The following AK7 variants were observed in gnomAD, a reference collection of about 807,000 sequenced individuals.
The protein encoded by AK7 is ATP-AMP transphosphorylase 7.
AK7 carries 78 observed loss-of-function variants against 96.6 expected under a neutral mutation model. The ratio of observed to expected loss-of-function variants is 0.81; its 90% confidence interval spans 0.67 to 0.97. The LOEUF is 0.97. Among genes scored for constraint, AK7 ranks in the 50% least tolerant of loss-of-function variants. The pLI, the probability that AK7 is intolerant of heterozygous loss-of-function variation, is 0.00. For missense variants in AK7, 855 were observed against 887.9 expected, an observed-to-expected ratio of 0.96 and a Z score of 0.47; for synonymous variants, 302 against 317.2, an observed-to-expected ratio of 0.95 and a Z score of 0.51.
chr14:96,398,648 G>A (rs1056262614), intron 2 of AK7: 1 of 223,120 alleles, frequency 4.5e-6, no homozygotes, highest in Non-Finnish European at 9.0e-6. Context: ...TTGGGAGGCT[G>A]AGGAGGGAGG....
At chr14:96,475,474 T>C (rs1174593727) in intron 14 of AK7, among the ~76,000 whole-genome samples, 1 of 152,210 alleles carries the variant, frequency 6.6e-6, no homozygotes, top group Non-Finnish European at 1.5e-5. Context: ...AGTTTGAGTT[T>C]ACGGGTGGTC....
intron 15 of AK7, among the ~76,000 whole-genome samples, chr14:96,481,326 CATTT>C (rs942721920): frequency 3.3e-4 from 50 of 151,918 alleles, no homozygotes; most frequent in Non-Finnish European, 6.5e-4. Context: ...GGGAGAAATG[CATTT>C]ATTTATTTAT....
At chr14:96,407,527 A>G (rs1890777353) in intron 3 of AK7, among the ~76,000 whole-genome samples, 1 of 150,996 alleles carries the variant, frequency 6.6e-6, no homozygotes, top group African/African-American at 2.4e-5. Flanking sequence ...AGCCCCTCTG[A>G]CAGTTTAATT....
intron 4 of AK7, among the ~76,000 whole-genome samples, chr14:96,414,113 A>G (rs866813582): frequency 1.3e-5 from 2 of 152,212 alleles, no homozygotes; most frequent in Non-Finnish European, 2.9e-5. Context: ...AAAATGTAAA[A>G]CAAGTGTTGC....
At chr14:96,471,746 C>T (rs1302426076) in intron 13 of AK7, 140 bp downstream of exon 13, 9 of 725,718 alleles carry the variant, frequency 1.2e-5, no homozygotes, top group East Asian at 6.9e-5. Context: ...CCTTTCTTTA[C>T]GTAGCTTTTT....
At chr14:96,485,160 C>T (rs929620031) in intron 16 of AK7, among the ~76,000 whole-genome samples, 8 of 152,322 alleles carry the variant, frequency 5.3e-5, no homozygotes, top group Middle Eastern at 3.4e-3. Context: ...CAATTTTACT[C>T]GCACATGTCA....
chr14:96,464,006 A>T (rs1595447803), intron 12 of AK7, among the ~76,000 whole-genome samples: 1 of 152,128 alleles, frequency 6.6e-6, no homozygotes, highest in Admixed American at 6.6e-5. Flanking sequence ...GTCTCATCCC[A>T]GATCCCAGGA....
intron 1 of AK7, among the ~76,000 whole-genome samples, chr14:96,393,215 A>T (rs1227441305): frequency 1.3e-5 from 2 of 152,216 alleles, no homozygotes; most frequent in South Asian, 4.1e-4. Flanking sequence ...TGTGGGTAGG[A>T]CCCGTCCATC....
chr14:96,464,631 T>C (rs1335755617), intron 12 of AK7, among the ~76,000 whole-genome samples: 1 of 151,906 alleles, frequency 6.6e-6, no homozygotes, highest in Non-Finnish European at 1.5e-5. Flanking sequence ...TGACAGGCTA[T>C]TAGTATTGTT....
intron 16 of AK7, among the ~76,000 whole-genome samples, chr14:96,483,728 C>T (rs1344511340): frequency 6.6e-6 from 1 of 152,168 alleles, no homozygotes; most frequent in African/African-American, 2.4e-5. Context: ...GCCCAGCTTG[C>T]TTAGTATTAG....
At chr14:96,423,886 A>AC (rs557201013) in intron 5 of AK7, 93 of 947,036 alleles carry the variant, frequency 9.8e-5, no homozygotes, top group Non-Finnish European at 1.5e-4. Flanking sequence ...GCCTTGGGAG[A>AC]CCCCGAGCCC....
chr14:96,487,776 TTTCTGG>T (rs1469681022), intron 17 of AK7, among the ~76,000 whole-genome samples: 3 of 152,102 alleles, frequency 2.0e-5, no homozygotes, highest in African/African-American at 7.2e-5. Context: ...CAAAATTATG[TTTCTGG>T]TTCTTTGGGA....
intron 11 of AK7, among the ~76,000 whole-genome samples, chr14:96,457,542 C>T (rs759416220): frequency 4.6e-5 from 7 of 152,142 alleles, no homozygotes; most frequent in African/African-American, 7.2e-5. Context: ...TCCTCTGAGA[C>T]GGAAGCAGCT....
In AK7 at chr14:96,482,993, TTAAAGATG is replaced by T. The variant is rs1195594533; in HGVS notation, c.1754-3_1758del. On this transcript the variant is annotated splice_acceptor_variant and splice_polypyrimidine_tract_variant and coding_sequence_variant and intron_variant, in exon 16 of 18. Coordinates refer to ENST00000267584, the MANE Select transcript of AK7 (RefSeq NM_152327.5). LOFTEE classifies it high-confidence loss of function. ...TATGTGTTGATCTCTCTCCTGGTAT[TTAAAGATG>T]TAGGAAAACTTGAAGATGCTCAGAA... The T allele has an allele frequency of 6.2e-7, 1 of 1,613,892 alleles. No individual in the cohort carries two copies. The highest frequency in any genetic ancestry group is 1.7e-5 in the Admixed American group (1 of 60,012).
chr14:96,469,424 C>T (rs1355196738), intron 12 of AK7, among the ~76,000 whole-genome samples: 2 of 152,078 alleles, frequency 1.3e-5, no homozygotes, highest in Non-Finnish European at 2.9e-5. Context: ...ACTCGGGAGG[C>T]TGAGGCATGA....
intron 14 of AK7, among the ~76,000 whole-genome samples, chr14:96,476,931 A>C (rs1281541787): frequency 1.3e-5 from 2 of 152,238 alleles, no homozygotes; most frequent in Non-Finnish European, 1.5e-5. Context: ...AAAATCTAAA[A>C]AGAAAATAAG....
rs767437918 is a variant in AK7, at chr14:96,437,807, C to CT, written c.610-19dup. 2.8e-3 allele frequency: 4,157 copies of CT among 1,502,456 alleles called. 2 individuals carry two copies. Among genetic ancestry groups the CT allele is most frequent in the Non-Finnish European group, 3.2e-3 (3,531 of 1,096,126 alleles). 93.1% of individuals were successfully genotyped at this position (1,502,456 alleles called of 1,614,324 possible). On this transcript the variant is annotated intron_variant, in intron 5 of 17. Transcript: ENST00000267584. Reference sequence around the variant, plus strand: ...GTATGACTAATAATATTACATCCAGCTTTTTTTTTCTGTATTTTATCTAAT... The same window carrying CT: ...GTATGACTAATAATATTACATCCAGCTTTTTTTTTTCTGTATTTTATCTAAT...
chr14:96,402,329 G>C (rs917564753), intron 2 of AK7, among the ~76,000 whole-genome samples: 1 of 152,172 alleles, frequency 6.6e-6, no homozygotes, highest in Non-Finnish European at 1.5e-5. Flanking sequence ...GCACAAAAAT[G>C]GTCAGTCCCC....
intron 7 of AK7, among the ~76,000 whole-genome samples, chr14:96,443,481 A>G (rs972603013): frequency 6.6e-6 from 1 of 151,850 alleles, no homozygotes. Flanking sequence ...TCAGATTCCC[A>G]CTCTTTCTCT....
Sources: allele counts gnomAD v4.1 joint callset (sites outside exome capture counted in the v4.1 genomes callset), GRCh38; gene constraint gnomAD v4.1.1; transcripts MANE v1.5; gene names NCBI Gene and HGNC (gene_info 2026-07-23, HGNC 2026-07-21).